UBE2E1: variants seen among roughly 807,000 people sequenced by gnomAD.
UBE2E1 encodes ubiquitin-conjugating enzyme E2 E1.
A neutral mutation model predicts 21.4 loss-of-function variants in UBE2E1; 6 were observed. The observed-to-expected ratio is 0.28, with a 90% CI of 0.15 to 0.55. UBE2E1 has a LOEUF of 0.55. Ranked by LOEUF, UBE2E1 falls within the 20% of genes least tolerant of loss-of-function variation. The pLI, the probability that UBE2E1 is intolerant of heterozygous loss-of-function variation, is 0.93. For missense variants in UBE2E1, 142 were observed against 236.5 expected (o/e 0.60, Z 2.62); for synonymous variants, 87 against 82.7 (o/e 1.05, Z -0.28).
rs554055116 is a variant in UBE2E1 at position 23,806,663 on chromosome 3, C to T, written c.-33-574C>T. 6.6e-6 allele frequency among the ~76,000 whole-genome samples: 1 copy of T among 151,630 alleles called. No individual in the cohort carries two copies. The highest frequency in any genetic ancestry group is 2.1e-4 in the South Asian group (1 of 4,810). ...GGGCGCGGCGCGGGGGGGCCTCGGG[C>T]CTCGTCGCCCCTGCCCCCCGCCGGC... On this transcript the variant is annotated intron_variant, in intron 1 of 5. Coordinates refer to ENST00000306627, the MANE Select transcript of UBE2E1 (RefSeq NM_003341.5). This position sits in a 1 kb window ranked among gnomAD's most constrained non-coding sequence, Gnocchi z 6.5.
At chr3:23,857,768 A>T (rs1035678806) in intron 3 of UBE2E1, among the ~76,000 whole-genome samples, 1 of 152,214 alleles carries the variant, frequency 6.6e-6, no homozygotes, top group Non-Finnish European at 1.5e-5. Context: ...AATGGTTCCC[A>T]GCGTGTGCTC....
intron 3 of UBE2E1, among the ~76,000 whole-genome samples, chr3:23,835,916 G>A (rs1333460242): frequency 2.0e-5 from 3 of 152,192 alleles, no homozygotes; most frequent in African/African-American, 7.2e-5. Context: ...ATTAGGAAAG[G>A]GGGAGGCAGG....
At chr3:23,874,099 G>A (rs940870611) in intron 3 of UBE2E1, among the ~76,000 whole-genome samples, 1 of 152,214 alleles carries the variant, frequency 6.6e-6, no homozygotes, top group Non-Finnish European at 1.5e-5. Flanking sequence ...CCTGGAGTTT[G>A]AGATTGGCAG....
Position 23,842,253 on chromosome 3 carries a change from T to TGTGTGTGTGTGG in UBE2E1, c.203+30743_203+30744insGTGTGTGTGTGG. On this transcript the variant is annotated intron_variant, in intron 3 of 5. Transcript: ENST00000306627. This position sits in a 1 kb window ranked among gnomAD's most constrained non-coding sequence, Gnocchi z 4.6. The stretch of plus-strand genomic sequence containing the variant: ...TGTGTGTGTGTGTGTGTGTGTGGTG[T>TGTGTGTGTGTGG]TGTTGTTGTTGGCGACAGGGTCTCA... Among the ~76,000 whole-genome samples the TGTGTGTGTGTGG allele has an allele frequency of 1.8e-5, 1 of 56,756 alleles. No individual in the cohort carries two copies. Among genetic ancestry groups the TGTGTGTGTGTGG allele is most frequent in the East Asian group, 3.6e-4 (1 of 2,790 alleles). 37.2% of individuals were successfully genotyped at this position (56,756 alleles called of 152,430 possible). A position where few individuals can be genotyped will look rare whatever the true frequency, so the allele number is the denominator to read the frequency against.
intron 3 of UBE2E1, among the ~76,000 whole-genome samples, chr3:23,834,724 G>A (rs921200403): frequency 5.3e-5 from 8 of 151,876 alleles, no homozygotes; most frequent in African/African-American, 1.2e-4. Context: ...GCGAGACCCC[G>A]TCTCTAAAAA....
rs534278402 is a variant in UBE2E1, at chr3:23,879,588, C to A, written c.204-7979C>A. 3.2e-5 allele frequency: 8 copies of A among 252,858 alleles called. 1 individual carries two copies. The South Asian group carries it at 4.0e-4, about 13-fold the overall frequency. 15.7% of individuals were successfully genotyped at this position (252,858 alleles called of 1,614,324 possible). A position where few individuals can be genotyped will look rare whatever the true frequency, so the allele number is the denominator to read the frequency against. On this transcript the variant is annotated intron_variant, in intron 3 of 5. Coordinates refer to ENST00000306627, the MANE Select transcript of UBE2E1 (RefSeq NM_003341.5). Reference sequence around the variant, plus strand: ...TAGGTGATCCAGCTATAAGACTAACCATCCTTCCCTTCTCTTCACTCAGCG... The same window carrying A: ...TAGGTGATCCAGCTATAAGACTAACAATCCTTCCCTTCTCTTCACTCAGCG...
intron 3 of UBE2E1, among the ~76,000 whole-genome samples, chr3:23,852,750 T>C (rs1464048060): frequency 6.6e-6 from 1 of 151,582 alleles, no homozygotes; most frequent in East Asian, 1.9e-4. Flanking sequence ...CACGTGCCAC[T>C]GCACCCAGCA....
rs1197828682 is a variant in UBE2E1 at position 23,807,237 on chromosome 3, G to A, written c.-33G>A. On this transcript the variant is annotated splice_region_variant and 5_prime_UTR_variant, in exon 2 of 6. Transcript: ENST00000306627. The stretch of plus-strand genomic sequence containing the variant: ...CTGTTTTGTTTCTCTCCCCCTGCAG[G>A]GGCTGTTTGCGGGGTGGGGTGGGGG... 6.3e-7 allele frequency: 1 copy of A among 1,598,914 alleles called. No homozygotes were observed. The highest frequency in any genetic ancestry group is 8.5e-7 in the Non-Finnish European group (1 of 1,174,428).
chr3:23,852,978 A>G (rs1344132077), intron 3 of UBE2E1, among the ~76,000 whole-genome samples: 2 of 151,176 alleles, frequency 1.3e-5, no homozygotes, highest in Non-Finnish European at 2.9e-5. Context: ...ATGCAATGGC[A>G]TGATCTCGGC....
At chr3:23,878,365 CT>C (rs1460251220) in intron 3 of UBE2E1, among the ~76,000 whole-genome samples, 4 of 152,204 alleles carry the variant, frequency 2.6e-5, no homozygotes, top group African/African-American at 9.7e-5. Context: ...GTCATCATTT[CT>C]TTTTCTGTTG....
rs540556615 is a variant in UBE2E1, at chr3:23,856,798, A to G, written c.204-30769A>G. The stretch of plus-strand genomic sequence containing the variant: ...AAAATTAATGTCATGATTATCAAGA[A>G]TGTTTCCAGAAGGCAGGGCTCATCA... On this transcript the variant is annotated intron_variant, in intron 3 of 5. Coordinates refer to ENST00000306627, the MANE Select transcript of UBE2E1 (RefSeq NM_003341.5). Among the ~76,000 whole-genome samples, 4 of 152,174 alleles carry G rather than the reference A, an allele frequency of 2.6e-5. No homozygotes were observed. In the East Asian group the frequency reaches 7.7e-4, roughly 29 times the overall value.
chr3:23,890,453 A>T, intron 5 of UBE2E1, 56 bp from the exon 6 acceptor site: 1 of 1,561,748 alleles, frequency 6.4e-7, no homozygotes, highest in Non-Finnish European at 8.7e-7. Flanking sequence ...ACTATTCGCT[A>T]AAGTTTAAAA....
In UBE2E1 at chr3:23,876,869, C is replaced by G. The variant is rs1700925456; in HGVS notation, c.204-10698C>G. On this transcript the variant is annotated intron_variant, in intron 3 of 5. Transcript: ENST00000306627. This position sits in a 1 kb window ranked among gnomAD's most constrained non-coding sequence, Gnocchi z 4.3. ...GACCAGTCTGGGTAACCTAGCAAGA[C>G]CCTGTCTCTAAAAAAAATTTAAAAA... 6.6e-6 allele frequency among the ~76,000 whole-genome samples: 1 copy of G among 152,054 alleles called. No homozygotes were observed. Among genetic ancestry groups the G allele is most frequent in the Non-Finnish European group, 1.5e-5 (1 of 68,016 alleles).
intron 3 of UBE2E1, among the ~76,000 whole-genome samples, chr3:23,835,027 C>T (rs1011071251): frequency 4.6e-5 from 7 of 152,008 alleles, no homozygotes; most frequent in African/African-American, 1.4e-4. Context: ...AAAAAAAATA[C>T]GGGACTAATT....
chr3:23,839,739 T>C (rs58949120), intron 3 of UBE2E1, among the ~76,000 whole-genome samples: 32,232 of 151,954 alleles, frequency 0.21, 3,492 homozygotes, highest in Non-Finnish European at 0.23. Flanking sequence ...TTTTGTTTTT[T>C]ACTTAAAGAT....
chr3:23,820,924 A>G (rs1357967137), intron 3 of UBE2E1, among the ~76,000 whole-genome samples: 1 of 152,238 alleles, frequency 6.6e-6, no homozygotes, highest in East Asian at 1.9e-4. Context: ...TTCCAAACAG[A>G]TGAGAGTAAA....
intron 3 of UBE2E1, among the ~76,000 whole-genome samples, chr3:23,860,323 T>G (rs1487954601): frequency 1.3e-5 from 2 of 152,200 alleles, no homozygotes; most frequent in Non-Finnish European, 2.9e-5. Flanking sequence ...TAGACAAATC[T>G]TTAGCGCTCT....
chr3:23,815,656 T>A (rs1369392877), intron 3 of UBE2E1, among the ~76,000 whole-genome samples: 1 of 152,232 alleles, frequency 6.6e-6, no homozygotes, highest in Non-Finnish European at 1.5e-5. Flanking sequence ...AAGAGATCCT[T>A]TTCTTGCAAC....
intron 3 of UBE2E1, among the ~76,000 whole-genome samples, chr3:23,869,419 C>CTGTGTG (rs4024641): frequency 0.051 from 6,705 of 132,458 alleles, 178 homozygotes; most frequent in Middle Eastern, 0.085. Context: ...TGGTCTTTTC[C>CTGTGTG]TGTGTGTGTG....
Sources: gnomAD v4.1 joint callset for allele counts (sites outside exome capture counted in the v4.1 genomes callset) on GRCh38, gnomAD v4.1.1 for gene constraint, Gnocchi (gnomAD v3.1) non-coding constraint, MANE v1.5 for transcripts, NCBI Gene and HGNC (gene_info 2026-07-23, HGNC 2026-07-21) for gene names.